Variants in RBFOX1 observed in about 807,000 individuals in gnomAD.
RBFOX1 encodes RNA binding protein fox-1 homolog 1.
A neutral mutation model predicts 57.7 loss-of-function variants in RBFOX1; 8 were observed. That is an observed-to-expected ratio of 0.14 (90% CI 0.08 to 0.25). The LOEUF (loss-of-function observed/expected upper bound fraction) is 0.25. Among genes scored for constraint, RBFOX1 ranks in the 10% least tolerant of loss-of-function variants. The pLI, the probability that RBFOX1 is intolerant of heterozygous loss-of-function variation, is 1.00. For missense variants in RBFOX1, 611 were observed against 548.5 expected, an observed-to-expected ratio of 1.11 and a Z score of -1.14; for synonymous variants, 326 against 222.4, an observed-to-expected ratio of 1.47 and a Z score of -4.15.
At chr16:5,975,074 C>CT (rs1015766319) in intron 4 of RBFOX1, among the ~76,000 whole-genome samples, 2 of 152,166 alleles carry the variant, frequency 1.3e-5, no homozygotes, top group Admixed American at 6.5e-5. Context: ...AAGTTGGCCT[C>CT]TTTTTTTAAT....
intron 4 of RBFOX1, among the ~76,000 whole-genome samples, chr16:5,926,642 A>T (rs1237248470): frequency 1.3e-5 from 2 of 152,142 alleles, no homozygotes; most frequent in African/African-American, 4.8e-5. Context: ...TTATTTTTGC[A>T]ATGCCTGGAT....
At chr16:7,025,136 A>C (rs564710698) in intron 3 of RBFOX1, among the ~76,000 whole-genome samples, 1 of 152,308 alleles carries the variant, frequency 6.6e-6, no homozygotes, top group South Asian at 2.1e-4. Context: ...CACTCCATAG[A>C]CAGAACAGCC....
intron 2 of RBFOX1, among the ~76,000 whole-genome samples, chr16:5,591,893 A>G (rs1001833393): frequency 2.6e-5 from 4 of 152,220 alleles, no homozygotes; most frequent in African/African-American, 9.6e-5. Flanking sequence ...CGAAAAATGG[A>G]ATCCCTAGTC....
At position 6,318,930 on chromosome 16, in the gene RBFOX1, T is replaced by G. The variant is rs575837897; in HGVS notation, c.-64+1873T>G. Among the ~76,000 whole-genome samples the G allele has an allele frequency of 2.6e-5, 4 of 151,980 alleles. No individual in the cohort carries two copies. In the East Asian group the frequency reaches 7.8e-4, roughly 29 times the overall value. ...TCCATCCTGTCCTTGGGATTGCAGC[T>G]TCTCTGATACAGCAAACCTCAATCC... is the stretch of plus-strand genomic sequence containing the variant. On this transcript the variant is annotated intron_variant, in intron 2 of 15. Transcript: ENST00000550418.
intron 3 of RBFOX1, among the ~76,000 whole-genome samples, chr16:5,764,051 A>G (rs1466482430): frequency 6.6e-6 from 1 of 152,214 alleles, no homozygotes; most frequent in East Asian, 1.9e-4. Context: ...ATCACATCAC[A>G]CACACCGTAG....
intron 3 of RBFOX1, among the ~76,000 whole-genome samples, chr16:6,656,514 CTG>C (rs954785276): frequency 6.6e-6 from 1 of 151,832 alleles, no homozygotes; most frequent in African/African-American, 2.4e-5. Context: ...TCTGGCTACT[CTG>C]TGATGCATCT....
intron 2 of RBFOX1, among the ~76,000 whole-genome samples, chr16:6,451,789 C>T (rs1306795003): frequency 2.6e-5 from 4 of 152,158 alleles, no homozygotes; most frequent in South Asian, 2.1e-4. Context: ...CTCTTCCTCC[C>T]GTGACTCCAT....
intron 3 of RBFOX1, among the ~76,000 whole-genome samples, chr16:6,768,873 C>T (rs191359525): frequency 2.0e-5 from 3 of 151,958 alleles, no homozygotes; most frequent in South Asian, 2.1e-4. Context: ...GGACTATAGG[C>T]ACCCACCGTC....
intron 1 of RBFOX1, among the ~76,000 whole-genome samples, chr16:5,425,105 C>CTATCTATCTCTT (rs2067513818): frequency 7.6e-6 from 1 of 131,462 alleles, no homozygotes; most frequent in Non-Finnish European, 1.6e-5. Context: ...ATCTATCTAT[C>CTATCTATCTCTT]TATCTATCTA....
intron 1 of RBFOX1, among the ~76,000 whole-genome samples, chr16:5,244,756 G>A (rs547253842): frequency 1.6e-4 from 25 of 152,338 alleles, no homozygotes; most frequent in African/African-American, 6.0e-4. Flanking sequence ...CCCTTTGGCC[G>A]AAAGTGCTGC....
At chr16:6,008,714 G>A (rs1003610766) in intron 4 of RBFOX1, among the ~76,000 whole-genome samples, 7 of 152,180 alleles carry the variant, frequency 4.6e-5, no homozygotes, top group Admixed American at 6.5e-5. Context: ...CTGGCAGAGC[G>A]TTTAGCCTTG....
At chr16:5,310,287 A>G (rs139014198) in intron 1 of RBFOX1, among the ~76,000 whole-genome samples, 3,229 of 152,238 alleles carry the variant, frequency 0.021, 89 homozygotes, top group East Asian at 0.13. Context: ...CTGTAGTCCC[A>G]GATACTCAGG....
intron 4 of RBFOX1, among the ~76,000 whole-genome samples, chr16:7,172,501 C>G (rs2080893907): frequency 6.6e-6 from 1 of 152,160 alleles, no homozygotes; most frequent in African/African-American, 2.4e-5. Context: ...TCAGCAAATC[C>G]AAAGTGCTAC....
chr16:7,296,321 C>G (rs963022636), intron 4 of RBFOX1, among the ~76,000 whole-genome samples: 3 of 143,122 alleles, frequency 2.1e-5, no homozygotes, highest in Non-Finnish European at 4.5e-5. Context: ...ATGCTTATGA[C>G]AGTAGACAGT....
intron 3 of RBFOX1, among the ~76,000 whole-genome samples, chr16:6,797,295 C>G (rs557194623): frequency 2.0e-5 from 3 of 152,102 alleles, no homozygotes; most frequent in Non-Finnish European, 2.9e-5. Flanking sequence ...TCTCAGAAAT[C>G]TCTATACAAA....
At chr16:7,321,324 T>C (rs530020667) in intron 4 of RBFOX1, among the ~76,000 whole-genome samples, 2 of 152,234 alleles carry the variant, frequency 1.3e-5, no homozygotes, top group Admixed American at 1.3e-4. Context: ...TTTTGTGTTT[T>C]TTATAGAGAC....
chr16:6,166,537 G>A (rs2096918681), intron 1 of RBFOX1, among the ~76,000 whole-genome samples: 1 of 151,924 alleles, frequency 6.6e-6, no homozygotes, highest in South Asian at 2.1e-4. Flanking sequence ...TCATTCTCAG[G>A]TAGACAGTCT....
Position 6,777,660 on chromosome 16 carries a change from C to T in RBFOX1, c.-16+123010C>T, listed in dbSNP as rs1185017407. ...TTAAAAATCCAGTTTCTTAGCCTGACAGTTTCTTAAATCTGTAGACCTTGA... is the reference window on the plus strand; with the variant it reads ...TTAAAAATCCAGTTTCTTAGCCTGATAGTTTCTTAAATCTGTAGACCTTGA... On this transcript the variant is annotated intron_variant, in intron 3 of 15. Coordinates refer to ENST00000550418, the MANE Select transcript of RBFOX1 (RefSeq NM_018723.4). Among the ~76,000 whole-genome samples, 2 of 152,062 alleles carry T rather than the reference C, an allele frequency of 1.3e-5. 1 individual carries two copies. Among genetic ancestry groups the T allele is most frequent in the Admixed American group, 1.3e-4 (2 of 15,262 alleles).
chr16:5,484,247 C>T (rs943841543), intron 2 of RBFOX1, among the ~76,000 whole-genome samples: 3 of 152,226 alleles, frequency 2.0e-5, no homozygotes, highest in Non-Finnish European at 2.9e-5. Flanking sequence ...ATCTGCTTCT[C>T]AATTCACCCA....
Sources: allele counts gnomAD v4.1 joint callset (sites outside exome capture counted in the v4.1 genomes callset), GRCh38; gene constraint gnomAD v4.1.1; transcripts MANE v1.5; gene names NCBI Gene and HGNC (gene_info 2026-07-23, HGNC 2026-07-21).